RNF130: variants seen among roughly 807,000 people sequenced by gnomAD.
RNF130 encodes E3 ubiquitin-protein ligase RNF130.
RNF130 carries 21 observed loss-of-function variants against 44.6 expected under a neutral mutation model. The ratio of observed to expected loss-of-function variants is 0.47; its 90% CI spans 0.33 to 0.68. RNF130 has a LOEUF of 0.68. Among genes scored for constraint, RNF130 ranks in the 30% least tolerant of loss-of-function variants. RNF130 has a pLI of 0.02. For synonymous variants in RNF130, 214 were observed against 210.4 expected (o/e 1.02, Z -0.15); for missense variants, 479 against 560.6 (o/e 0.85, Z 1.47).
chr5:179,945,355 G>T (rs920884228), intron 7 of RNF130, among the ~76,000 whole-genome samples: 6 of 152,254 alleles, frequency 3.9e-5, no homozygotes, highest in African/African-American at 1.4e-4. Context: ...CAGCGGCGGG[G>T]GCTTTTCTGG....
At chr5:179,947,040 CAAGTGCACACTGACG>C in intron 7 of RNF130, among the ~76,000 whole-genome samples, 1 of 152,274 alleles carries the variant, frequency 6.6e-6, no homozygotes, top group South Asian at 2.1e-4. Flanking sequence ...TGAGTGTGCA[CAAGTGCACACTGACG>C]CAACCCTACT....
intron 7 of RNF130, among the ~76,000 whole-genome samples, chr5:179,940,572 A>C (rs1761957579): frequency 6.6e-6 from 1 of 152,152 alleles, no homozygotes; most frequent in South Asian, 2.1e-4. Context: ...CTTTTATGTT[A>C]TGAGAATTTC....
chr5:179,928,872 C>T (rs974552167), intron 7 of RNF130, among the ~76,000 whole-genome samples: 2 of 152,002 alleles, frequency 1.3e-5, no homozygotes, highest in African/African-American at 4.8e-5. Flanking sequence ...CTCGTGATCC[C>T]CCTGCCTCGG....
intron 1 of RNF130, among the ~76,000 whole-genome samples, chr5:180,069,295 G>C (rs997913410): frequency 3.9e-5 from 6 of 152,046 alleles, no homozygotes; most frequent in Non-Finnish European, 8.8e-5. Context: ...CCAATGCCTT[G>C]ACTGAGACTG....
chr5:180,059,194 G>A (rs146856245), intron 1 of RNF130, among the ~76,000 whole-genome samples: 124 of 152,086 alleles, frequency 8.2e-4, no homozygotes, highest in African/African-American at 2.7e-3. Flanking sequence ...TATTTCCTTG[G>A]ACTGAAACAT....
chr5:179,996,626 A>G (rs534572440), intron 3 of RNF130, among the ~76,000 whole-genome samples: 1 of 152,358 alleles, frequency 6.6e-6, no homozygotes, highest in Admixed American at 6.5e-5. Context: ...ATGGATTTGC[A>G]TATGTTGAAC....
intron 8 of RNF130, among the ~76,000 whole-genome samples, chr5:179,960,113 T>C (rs1348322124): frequency 1.3e-5 from 2 of 152,200 alleles, no homozygotes; most frequent in Non-Finnish European, 2.9e-5. Context: ...CAAATTTCAG[T>C]TGGTAAATGT....
chr5:179,916,508 C>G (rs1182266520), exon 8 of RNF130: 2 of 152,234 alleles, frequency 1.3e-5, no homozygotes, highest in Non-Finnish European at 2.9e-5. Context: ...TCAGTAATCT[C>G]GTTTTTAAAA....
intron 1 of RNF130, 87 bp downstream of exon 1, chr5:180,071,369 G>A (rs1467175806): frequency 3.4e-6 from 4 of 1,186,258 alleles, no homozygotes; most frequent in Admixed American, 8.6e-5. Flanking sequence ...GGGAGAGCCA[G>A]GGCCAGAGCC....
chr5:179,923,717 C>A (rs1761665299), intron 7 of RNF130, among the ~76,000 whole-genome samples: 1 of 152,224 alleles, frequency 6.6e-6, no homozygotes, highest in South Asian at 2.1e-4. Flanking sequence ...AACCACGGTG[C>A]AGCCCTGGAG....
At chr5:179,968,782 C>G (rs1456108454) in intron 6 of RNF130, among the ~76,000 whole-genome samples, 1 of 152,072 alleles carries the variant, frequency 6.6e-6, no homozygotes, top group Non-Finnish European at 1.5e-5. Flanking sequence ...TGGGGGACAT[C>G]TGGCAACGTC....
rs1414918134 is a variant in RNF130 at position 180,061,973 on chromosome 5, C to T, written c.247+9483G>A. Among the ~76,000 whole-genome samples the T allele has an allele frequency of 4.6e-5, 7 of 152,176 alleles. No individual in the cohort carries two copies. The East Asian group carries it at 1.2e-3, about 25-fold the overall frequency. ...CACCAGCAGATGTGGTGTCAGAGCC[C>T]GCTGTCTGCTTCATCAATGGAGACT... is the stretch of plus-strand genomic sequence containing the variant. On this transcript the variant is annotated intron_variant, in intron 1 of 8. Transcript: ENST00000521389.
chr5:179,963,455 A>C lies in RNF130; in HGVS notation c.1244+16T>G. On this transcript the variant is annotated intron_variant, in intron 8 of 8. Coordinates refer to ENST00000521389, the MANE Select transcript of RNF130 (RefSeq NM_018434.6). ...ATCATCTGGCACATGCAATCCAAAA[A>C]CAATTTGTTACTTACTCATTAGCAT... 1 of 1,602,014 alleles carries C rather than the reference A, an allele frequency of 6.2e-7. No individual in the cohort carries two copies. The highest frequency in any genetic ancestry group is 8.5e-7 in the Non-Finnish European group (1 of 1,170,030).
At chr5:180,024,906 G>A (rs1052139664) in intron 2 of RNF130, among the ~76,000 whole-genome samples, 1 of 152,206 alleles carries the variant, frequency 6.6e-6, no homozygotes, top group African/African-American at 2.4e-5. Flanking sequence ...TCCTGGGGGT[G>A]TCTGGAAGCC....
chr5:180,019,546 G>A (rs1239234876), intron 2 of RNF130, among the ~76,000 whole-genome samples: 2 of 152,146 alleles, frequency 1.3e-5, no homozygotes, highest in Non-Finnish European at 2.9e-5. Flanking sequence ...TCACTCCACT[G>A]ACTTAATGAA....
At chr5:180,024,381 G>T (rs989308108) in intron 2 of RNF130, among the ~76,000 whole-genome samples, 2 of 152,054 alleles carry the variant, frequency 1.3e-5, no homozygotes, top group Admixed American at 1.3e-4. Flanking sequence ...CTGGGTGCAG[G>T]GTTTGCAGAC....
Position 179,974,738 on chromosome 5 carries a change from A to G in RNF130, c.848+3465T>C, listed in dbSNP as rs999649295. 3.3e-5 allele frequency among the ~76,000 whole-genome samples: 5 copies of G among 152,364 alleles called. No homozygotes were observed. The East Asian group carries it at 9.6e-4, about 29-fold the overall frequency. ...AGAGTTTTAAAAACTGGACTGGGAAATGCGAGTGTCACGAGATGCCGGCGA... is the reference window on the plus strand; with the variant it reads ...AGAGTTTTAAAAACTGGACTGGGAAGTGCGAGTGTCACGAGATGCCGGCGA... On this transcript the variant is annotated intron_variant, in intron 5 of 8. Transcript: ENST00000521389.
intron 1 of RNF130, among the ~76,000 whole-genome samples, chr5:180,043,392 C>T (rs1764473764): frequency 6.6e-6 from 1 of 152,144 alleles, no homozygotes; most frequent in African/African-American, 2.4e-5. Flanking sequence ...GTTTGTTTCA[C>T]TGACATTCAT....
In RNF130 at chr5:180,021,891, G is replaced by T. The variant is rs12521533; in HGVS notation, c.443-8580C>A. ...CAATAACGTCCTTTACAGCAGCCCA[G>T]GTCCGAGTCACATGCTACACTCAGT... On this transcript the variant is annotated intron_variant, in intron 2 of 8. Transcript: ENST00000521389. Among the ~76,000 whole-genome samples, 1,151 of 152,258 alleles carry T rather than the reference G, an allele frequency of 7.6e-3. 20 individuals carry two copies. Among genetic ancestry groups the T allele is most frequent in the African/African-American group, 0.026 (1,079 of 41,554 alleles).
Sources: allele counts gnomAD v4.1 joint callset (sites outside exome capture counted in the v4.1 genomes callset), GRCh38; gene constraint gnomAD v4.1.1; transcripts MANE v1.5; gene names NCBI Gene and HGNC (gene_info 2026-07-23, HGNC 2026-07-21).